THADA: variants seen among roughly 807,000 people sequenced by gnomAD.
THADA encodes the protein THADA armadillo repeat containing, also known as tRNA (32-2'-O)-methyltransferase regulator THADA.
A neutral mutation model predicts 219.8 loss-of-function variants in THADA; 213 were observed. The ratio of observed to expected loss-of-function variants is 0.97; its 90% CI spans 0.87 to 1.09. The LOEUF is 1.09. Ranked by LOEUF, THADA falls within the 50% of genes least tolerant of loss-of-function variation. THADA has a pLI of 0.00. For synonymous variants in THADA, 1,018 were observed against 828.9 expected, an observed-to-expected ratio of 1.23 and a Z score of -3.92; for missense variants, 2,956 against 2,311.3, an observed-to-expected ratio of 1.28 and a Z score of -5.72.
At chr2:43,570,588 G>C in intron 13 of THADA, 78 bp from the exon 14 acceptor site, 1 of 1,452,282 alleles carries the variant, frequency 6.9e-7, no homozygotes, top group Non-Finnish European at 9.2e-7. Flanking sequence ...AAATTATTTA[G>C]AATAAAACTT....
intron 31 of THADA, among the ~76,000 whole-genome samples, chr2:43,318,175 G>A (rs1054332094): frequency 1.1e-4 from 17 of 151,868 alleles, no homozygotes; most frequent in African/African-American, 4.1e-4. Context: ...AAGTACCTAG[G>A]CCTACAGATG....
rs4283466 is a variant in THADA, at chr2:43,331,836, T to C, written c.4344-11296A>G. Reference sequence around the variant, plus strand: ...CTCTTGTACTTACTGTATGTACTTCTATGTATTTCACTGTCTAAATTTTCA... The same window carrying C: ...CTCTTGTACTTACTGTATGTACTTCCATGTATTTCACTGTCTAAATTTTCA... On this transcript the variant is annotated intron_variant, in intron 30 of 37. Coordinates refer to ENST00000405975, the MANE Select transcript of THADA (RefSeq NM_022065.5). Among the ~76,000 whole-genome samples the C allele has an allele frequency of 2.7e-4, 41 of 152,304 alleles. 2 individuals are homozygous for C. In the East Asian group the frequency reaches 7.5e-3, roughly 28 times the overall value.
At chr2:43,278,895 T>C (rs1673024556) in intron 36 of THADA, among the ~76,000 whole-genome samples, 1 of 152,176 alleles carries the variant, frequency 6.6e-6, no homozygotes, top group South Asian at 2.1e-4. Context: ...AAGGTGAACT[T>C]CTTTGCTCAG....
chr2:43,371,248 A>G (rs113069363), intron 29 of THADA, among the ~76,000 whole-genome samples: 1 of 152,368 alleles, frequency 6.6e-6, no homozygotes, highest in African/African-American at 2.4e-5. Flanking sequence ...TAAATTATCA[A>G]ATATAATTCT....
At chr2:43,515,216 TATATTATATATA>T (rs1691426332) in intron 22 of THADA, among the ~76,000 whole-genome samples, 11 of 75,334 alleles carry the variant, frequency 1.5e-4, no homozygotes, top group African/African-American at 4.7e-4. Flanking sequence ...TAATATATAA[TATATTATATATA>T]ATATATAATA....
chr2:43,425,049 G>A (rs111909902), intron 28 of THADA, among the ~76,000 whole-genome samples: 31 of 152,202 alleles, frequency 2.0e-4, no homozygotes, highest in East Asian at 9.6e-4. Flanking sequence ...GGTCCATTCC[G>A]TGTAGCTAAG....
chr2:43,421,575 T>C (rs1259550147), intron 28 of THADA, among the ~76,000 whole-genome samples: 2 of 152,210 alleles, frequency 1.3e-5, no homozygotes, highest in African/African-American at 4.8e-5. Context: ...AAGAGTTATC[T>C]ACTATAACCA....
rs775938797 is a variant in THADA, at chr2:43,571,707, CT to C, written c.2063del (p.Lys688SerfsTer29). 6.2e-7 allele frequency: 1 copy of C among 1,604,284 alleles called. No individual in the cohort carries two copies. The highest frequency in any genetic ancestry group is 8.5e-7 in the Non-Finnish European group (1 of 1,175,366). The part of the protein sequence containing the change: ...VRQQICSLLK[K>X]LFCRIQESSQ... ...TATGCCTTCTGATGGGAAATTCTACCTTTTTAAGAAGAGAACAGATCTGTTG... is the reference window on the plus strand; with the variant it reads ...TATGCCTTCTGATGGGAAATTCTACCTTTTAAGAAGAGAACAGATCTGTTG... On this transcript the variant is annotated frameshift_variant and splice_region_variant, in exon 13 of 38. Coordinates refer to ENST00000405975, the MANE Select transcript of THADA (RefSeq NM_022065.5). LOFTEE classifies it high-confidence loss of function.
intron 1 of THADA, among the ~76,000 whole-genome samples, chr2:43,593,410 A>T (rs17031097): frequency 0.2 from 30,252 of 152,062 alleles, 3,084 homozygotes; most frequent in East Asian, 0.25. Context: ...AGGCCAGGTG[A>T]CATGTAGAGC....
chr2:43,261,216 C>CTTTTTT (rs1181680289), intron 36 of THADA, among the ~76,000 whole-genome samples: 884 of 77,166 alleles, frequency 0.011, 20 homozygotes, highest in African/African-American at 0.015. Context: ...TTGTGCATTT[C>CTTTTTT]TTTTTTTTTT....
chr2:43,493,739 T>C lies in THADA; in HGVS notation c.3744+5094A>G, dbSNP rs554495659. Among the ~76,000 whole-genome samples, 10 of 152,300 alleles carry C rather than the reference T, an allele frequency of 6.6e-5. No homozygotes were observed. The East Asian group carries it at 7.7e-4, about 12-fold the overall frequency. On this transcript the variant is annotated intron_variant, in intron 25 of 37. Transcript: ENST00000405975. ...ACAAATTACTTTCTGTTAACTTAGA[T>C]TGTTAACTAAACTGGTTGGTTTAAT...
intron 26 of THADA, among the ~76,000 whole-genome samples, chr2:43,436,446 T>C (rs1333563539): frequency 2.0e-5 from 3 of 152,184 alleles, no homozygotes; most frequent in Non-Finnish European, 4.4e-5. Flanking sequence ...TCTGTGAGCC[T>C]CCCTCAGATG....
chr2:43,381,744 A>T (rs1039851166), intron 29 of THADA, among the ~76,000 whole-genome samples: 2 of 151,988 alleles, frequency 1.3e-5, no homozygotes, highest in African/African-American at 4.8e-5. Context: ...ACGCCCAGCT[A>T]ATTTTTGCAT....
rs775364234 is a variant in THADA at position 43,552,203 on chromosome 2, C to G, written c.2810+1G>C. On this transcript the variant is annotated splice_donor_variant, in intron 18 of 37. Coordinates refer to ENST00000405975, the MANE Select transcript of THADA (RefSeq NM_022065.5). LOFTEE classifies it high-confidence loss of function. ...CAGGAGGCAGCTGTGGAAATCCTTACTTTAGAGATAACTTCTGCAAAGCTC... is the reference window on the plus strand; with the variant it reads ...CAGGAGGCAGCTGTGGAAATCCTTAGTTTAGAGATAACTTCTGCAAAGCTC... The G allele has an allele frequency of 1.6e-4, 249 of 1,605,702 alleles. No homozygotes were observed. Among genetic ancestry groups the G allele is most frequent in the Non-Finnish European group, 2.1e-4 (243 of 1,177,136 alleles).
In THADA at chr2:43,460,523, A is replaced by G. The variant is rs367882505; in HGVS notation, c.3836+24711T>C. The stretch of plus-strand genomic sequence containing the variant: ...GTTCTGAAAATAGCTCGCTGTCTTT[A>G]GAGACTGCAAAGACATCAAGCCCTG... On this transcript the variant is annotated intron_variant, in intron 26 of 37. Transcript: ENST00000405975. Among the ~76,000 whole-genome samples the G allele has an allele frequency of 6.0e-4, 91 of 152,314 alleles. 1 individual carries two copies. The highest frequency in any genetic ancestry group is 3.4e-3 in the Middle Eastern group (1 of 294).
intron 28 of THADA, among the ~76,000 whole-genome samples, chr2:43,414,948 G>A (rs1371413232): frequency 6.6e-6 from 1 of 152,162 alleles, no homozygotes; most frequent in Non-Finnish European, 1.5e-5. Context: ...CCAGAAAGGA[G>A]AGGTGAATGG....
chr2:43,411,458 C>T (rs1483168518), intron 28 of THADA, among the ~76,000 whole-genome samples: 2 of 152,124 alleles, frequency 1.3e-5, no homozygotes, highest in Non-Finnish European at 2.9e-5. Context: ...GGTATGATTT[C>T]GTAGTGGTTA....
At chr2:43,477,363 A>C (rs1289589132) in intron 26 of THADA, among the ~76,000 whole-genome samples, 4 of 152,214 alleles carry the variant, frequency 2.6e-5, no homozygotes, top group Non-Finnish European at 2.9e-5. Context: ...ACATTATAGC[A>C]CAGGTCTGAG....
chr2:43,356,332 G>T (rs1668869004), intron 29 of THADA, among the ~76,000 whole-genome samples: 1 of 151,880 alleles, frequency 6.6e-6, no homozygotes, highest in South Asian at 2.1e-4. Context: ...ATGCTAGAAG[G>T]GAATGAAATA....
Sources: allele counts gnomAD v4.1 joint callset (sites outside exome capture counted in the v4.1 genomes callset), GRCh38; gene constraint gnomAD v4.1.1; transcripts MANE v1.5; gene names NCBI Gene and HGNC (gene_info 2026-07-23, HGNC 2026-07-21).